The following TNKS variants were observed in gnomAD, a reference collection of about 807,000 sequenced individuals.
TNKS encodes the protein tankyrase.
Under a neutral mutation model 135.8 loss-of-function variants are expected in TNKS, and 72 were observed. The ratio of observed to expected loss-of-function variants is 0.53; its 90% CI spans 0.44 to 0.64. The LOEUF (loss-of-function observed/expected upper bound fraction) is 0.64. Ranked by LOEUF, TNKS falls within the 30% of genes least tolerant of loss-of-function variation. TNKS has a pLI of 0.00. For synonymous variants in TNKS, 849 were observed against 649.3 expected, an observed-to-expected ratio of 1.31 and a Z score of -4.68; for missense variants, 1,769 against 1,674.0, an observed-to-expected ratio of 1.06 and a Z score of -0.99.
At chr8:9,666,692 G>C (rs1157825422) in intron 3 of TNKS, among the ~76,000 whole-genome samples, 2 of 151,326 alleles carry the variant, frequency 1.3e-5, no homozygotes, top group East Asian at 3.9e-4. Context: ...TTGCGCTCCA[G>C]CCTGGGCGAC....
chr8:9,570,137 C>G (rs78904285), intron 1 of TNKS, among the ~76,000 whole-genome samples: 2 of 151,182 alleles, frequency 1.3e-5, no homozygotes, highest in Admixed American at 6.6e-5. Flanking sequence ...GTTTTTTGAA[C>G]CATTTATTGA....
At chr8:9,740,298 A>G (rs140782372) in intron 17 of TNKS, among the ~76,000 whole-genome samples, 1 of 152,200 alleles carries the variant, frequency 6.6e-6, no homozygotes, top group Non-Finnish European at 1.5e-5. Context: ...ATGCCAGTTC[A>G]TACGTACCAG....
intron 5 of TNKS, among the ~76,000 whole-genome samples, chr8:9,702,909 G>A (rs935888214): frequency 1.6e-4 from 25 of 152,044 alleles, no homozygotes; most frequent in Admixed American, 1.2e-3. Flanking sequence ...CCAAATACTC[G>A]GGAGGCTGAG....
intron 2 of TNKS, among the ~76,000 whole-genome samples, chr8:9,594,275 A>G (rs577751619): frequency 2.6e-5 from 4 of 152,234 alleles, no homozygotes; most frequent in Non-Finnish European, 5.9e-5. Flanking sequence ...ATAGTTGCCC[A>G]TTAAAGAAAA....
At chr8:9,580,498 A>G in intron 2 of TNKS, 115 bp downstream of exon 2, 1 of 894,604 alleles carries the variant, frequency 1.1e-6, no homozygotes, top group South Asian at 1.8e-5. Flanking sequence ...CTTCTTGTAG[A>G]AGCAGTTCTT....
chr8:9,743,745 CTA>C (rs1168368907), intron 17 of TNKS, among the ~76,000 whole-genome samples: 1 of 152,144 alleles, frequency 6.6e-6, no homozygotes, highest in Non-Finnish European at 1.5e-5. Flanking sequence ...ATATCCATAT[CTA>C]TAGATGTATA....
chr8:9,763,298 C>G, intron 22 of TNKS, 54 bp downstream of exon 22: 1 of 1,275,244 alleles, frequency 7.8e-7, no homozygotes, highest in East Asian at 2.4e-5. Flanking sequence ...GTGGATAAAC[C>G]TCTTTTTCTG....
chr8:9,676,979 T>C (rs1802568275), intron 3 of TNKS, among the ~76,000 whole-genome samples: 1 of 152,218 alleles, frequency 6.6e-6, no homozygotes, highest in African/African-American at 2.4e-5. Context: ...TAGAGCACCA[T>C]AGTCTCAGCC....
intron 17 of TNKS, among the ~76,000 whole-genome samples, chr8:9,742,248 G>GT: frequency 6.6e-6 from 1 of 151,276 alleles, no homozygotes; most frequent in East Asian, 1.9e-4. Flanking sequence ...TCAGGCATCC[G>GT]TGAGTTGATG....
At chr8:9,764,921 C>A in intron 23 of TNKS, 131 bp downstream of exon 23, 1 of 586,258 alleles carries the variant, frequency 1.7e-6, no homozygotes, top group Non-Finnish European at 2.8e-6. Context: ...TGTCTGAAGT[C>A]AGATAGCACT....
intron 5 of TNKS, among the ~76,000 whole-genome samples, chr8:9,702,308 T>TGC (rs2128806435): frequency 6.6e-6 from 1 of 151,184 alleles, no homozygotes; most frequent in East Asian, 1.9e-4. Flanking sequence ...TGCGTGTGCG[T>TGC]GCACACACAC....
At chr8:9,759,224 G>A (rs1414052231) in intron 20 of TNKS, among the ~76,000 whole-genome samples, 2 of 152,236 alleles carry the variant, frequency 1.3e-5, no homozygotes, top group Admixed American at 6.5e-5. Flanking sequence ...GAGTCTGTCT[G>A]CCATAGCGTG....
At chr8:9,581,745 C>A (rs1430039749) in intron 2 of TNKS, among the ~76,000 whole-genome samples, 1 of 152,196 alleles carries the variant, frequency 6.6e-6, no homozygotes, top group South Asian at 2.1e-4. Context: ...CTTCAGTCTT[C>A]TGTTTTCCTG....
At chr8:9,630,587 T>G (rs1258728497) in intron 3 of TNKS, among the ~76,000 whole-genome samples, 1 of 152,128 alleles carries the variant, frequency 6.6e-6, no homozygotes, top group East Asian at 1.9e-4. Context: ...ATCACATTAA[T>G]GGGGGGAAAA....
chr8:9,659,704 AAGCT>A lies in TNKS; in HGVS notation c.995-20243_995-20240del, dbSNP rs1267170819. ...GAGAAGCAACAGCAAACACATTCAAAAGCTAGCAGAAGGCAAGAAATAAGTAAGA... is the reference window on the plus strand; with the variant it reads ...GAGAAGCAACAGCAAACACATTCAAAAGCAGAAGGCAAGAAATAAGTAAGA... On this transcript the variant is annotated intron_variant, in intron 3 of 26. Transcript: ENST00000310430. Among the ~76,000 whole-genome samples, 7 of 152,346 alleles carry A rather than the reference AAGCT, an allele frequency of 4.6e-5. 1 individual carries two copies. The highest frequency in any genetic ancestry group is 1.7e-4 in the African/African-American group (7 of 41,580).
At chr8:9,623,053 G>A (rs912459587) in intron 3 of TNKS, among the ~76,000 whole-genome samples, 3 of 152,090 alleles carry the variant, frequency 2.0e-5, no homozygotes, top group African/African-American at 7.2e-5. Flanking sequence ...ATGTCAATGT[G>A]GTCTCTCTCT....
intron 8 of TNKS, 70 bp downstream of exon 8, chr8:9,707,067 C>T: frequency 7.7e-7 from 1 of 1,299,844 alleles, no homozygotes; most frequent in Non-Finnish European, 1.0e-6. Flanking sequence ...GTTTTATCTA[C>T]CTTAAATAAT....
chr8:9,594,550 A>G (rs1163112324), intron 2 of TNKS, among the ~76,000 whole-genome samples: 9 of 152,232 alleles, frequency 5.9e-5, no homozygotes, highest in African/African-American at 2.2e-4. Flanking sequence ...GAACCTGTGT[A>G]TACAATCCAT....
chr8:9,662,338 A>T (rs1446619495), intron 3 of TNKS, among the ~76,000 whole-genome samples: 2 of 152,236 alleles, frequency 1.3e-5, no homozygotes, highest in African/African-American at 4.8e-5. Context: ...AAGACTTGGA[A>T]CCAACCCAAA....
Sources: allele counts gnomAD v4.1 joint callset (sites outside exome capture counted in the v4.1 genomes callset), GRCh38; gene constraint gnomAD v4.1.1; transcripts MANE v1.5; gene names NCBI Gene and HGNC (gene_info 2026-07-23, HGNC 2026-07-21).